Variants in MYRIP observed in about 807,000 individuals in gnomAD.
MYRIP encodes myosin VIIA and Rab interacting protein.
In MYRIP, 49 loss-of-function variants were observed where a neutral mutation model predicts 98.0. That is an observed-to-expected ratio of 0.50 (90% CI 0.40 to 0.63). MYRIP has a LOEUF of 0.63. Among genes scored for constraint, MYRIP ranks in the 30% least tolerant of loss-of-function variants. MYRIP has a pLI of 0.00. For missense variants in MYRIP, 1,004 were observed against 1,058.2 expected, an observed-to-expected ratio of 0.95 and a Z score of 0.71; for synonymous variants, 404 against 409.5, an observed-to-expected ratio of 0.99 and a Z score of 0.16.
chr3:40,171,003 G>T (rs191407405), intron 8 of MYRIP, among the ~76,000 whole-genome samples: 2 of 152,112 alleles, frequency 1.3e-5, no homozygotes, highest in Non-Finnish European at 2.9e-5. Flanking sequence ...CTTTGTCCTC[G>T]CCAACTGCCA....
In MYRIP at chr3:40,035,242, A is replaced by T. The variant is rs538002860; in HGVS notation, c.111-8808A>T. Among the ~76,000 whole-genome samples, 84 of 151,072 alleles carry T rather than the reference A, an allele frequency of 5.6e-4. No homozygotes were observed. In the East Asian group the frequency reaches 0.011, roughly 20 times the overall value. On this transcript the variant is annotated intron_variant, in intron 2 of 16. Transcript: ENST00000302541. ...GTATAATAATAAAATTTTAAAAATTAAAAAAAAGAAAAAGAAATCAAAACC... is the reference window on the plus strand; with the variant it reads ...GTATAATAATAAAATTTTAAAAATTTAAAAAAAGAAAAAGAAATCAAAACC...
intron 5 of MYRIP, among the ~76,000 whole-genome samples, chr3:40,163,823 A>G (rs1950447031): frequency 6.6e-6 from 1 of 152,080 alleles, no homozygotes; most frequent in South Asian, 2.1e-4. Context: ...CCTATTTTAT[A>G]TCTATATATA....
chr3:39,994,000 A>C (rs188831443), intron 2 of MYRIP, among the ~76,000 whole-genome samples: 1 of 152,340 alleles, frequency 6.6e-6, no homozygotes, highest in East Asian at 1.9e-4. Context: ...ACGTCTTTTC[A>C]AACAAAATGG....
intron 2 of MYRIP, among the ~76,000 whole-genome samples, chr3:40,027,336 A>C (rs1947156195): frequency 6.6e-6 from 1 of 152,052 alleles, no homozygotes; most frequent in Admixed American, 6.6e-5. Flanking sequence ...TCACACATGC[A>C]AGGTCCTCTA....
chr3:40,003,466 T>G (rs886733694), intron 2 of MYRIP, among the ~76,000 whole-genome samples: 1 of 152,166 alleles, frequency 6.6e-6, no homozygotes, highest in Admixed American at 6.5e-5. Context: ...CAGAACAACA[T>G]TAGAGCTGAA....
chr3:40,242,518 A>C (rs1953055033), intron 12 of MYRIP: 1 of 150,870 alleles, frequency 6.6e-6, no homozygotes, highest in African/African-American at 2.4e-5. Context: ...AAAAAGGAAG[A>C]TTAGTGAATG....
At chr3:39,975,448 A>G (rs1190049545) in intron 2 of MYRIP, among the ~76,000 whole-genome samples, 2 of 152,054 alleles carry the variant, frequency 1.3e-5, no homozygotes, top group South Asian at 4.2e-4. Flanking sequence ...GGAAGAATCA[A>G]TATCGTGAAA....
chr3:39,923,898 A>C (rs1222348192), intron 2 of MYRIP, among the ~76,000 whole-genome samples: 2 of 152,106 alleles, frequency 1.3e-5, no homozygotes, highest in Non-Finnish European at 2.9e-5. Flanking sequence ...CTTCACTTGA[A>C]CTGGTAAAAT....
chr3:40,256,100 T>G (rs1257051957), intron 16 of MYRIP, among the ~76,000 whole-genome samples: 4 of 152,224 alleles, frequency 2.6e-5, no homozygotes, highest in Non-Finnish European at 5.9e-5. Context: ...GCTACTGCAT[T>G]GAGGGAACTG....
At chr3:40,129,476 A>AAAT in intron 3 of MYRIP, among the ~76,000 whole-genome samples, 1 of 124,650 alleles carries the variant, frequency 8.0e-6, no homozygotes, top group Non-Finnish European at 1.7e-5. Context: ...AAAAAAAAAA[A>AAAT]TCATGCCACC....
At chr3:39,845,430 T>C (rs770997960) in intron 1 of MYRIP, among the ~76,000 whole-genome samples, 22 of 152,318 alleles carry the variant, frequency 1.4e-4, no homozygotes, top group Non-Finnish European at 2.6e-4. Flanking sequence ...TTAAATTATC[T>C]ATATTTCTGT....
chr3:40,175,560 C>T (rs778194653), intron 8 of MYRIP, among the ~76,000 whole-genome samples: 38 of 152,230 alleles, frequency 2.5e-4, no homozygotes, highest in African/African-American at 3.9e-4. Flanking sequence ...TCTTGCCCCC[C>T]GATGGCACTG....
intron 1 of MYRIP, among the ~76,000 whole-genome samples, chr3:39,816,269 A>G (rs1940907561): frequency 6.6e-6 from 1 of 152,002 alleles, no homozygotes; most frequent in Non-Finnish European, 1.5e-5. Flanking sequence ...TTTTTAGTAG[A>G]GACGGGGTTT....
At chr3:39,851,197 A>G (rs1942120438) in intron 1 of MYRIP, among the ~76,000 whole-genome samples, 1 of 152,068 alleles carries the variant, frequency 6.6e-6, no homozygotes, top group Admixed American at 6.5e-5. Flanking sequence ...GTTGCCAATA[A>G]TCTATGATGG....
intron 2 of MYRIP, among the ~76,000 whole-genome samples, chr3:39,959,539 G>A (rs1431910255): frequency 2.6e-5 from 4 of 152,024 alleles, no homozygotes; most frequent in African/African-American, 9.7e-5. Flanking sequence ...AGGGGGAGCA[G>A]GGAGGGATGG....
intron 1 of MYRIP, among the ~76,000 whole-genome samples, chr3:39,876,372 G>T (rs1458731867): frequency 6.6e-6 from 1 of 152,194 alleles, no homozygotes; most frequent in Admixed American, 6.5e-5. Flanking sequence ...GTGTGAATTT[G>T]ATCCTGTCAT....
chr3:40,152,794 C>T (rs1950147512), intron 4 of MYRIP, among the ~76,000 whole-genome samples: 1 of 152,044 alleles, frequency 6.6e-6, no homozygotes, highest in Non-Finnish European at 1.5e-5. Flanking sequence ...CATCTTATAT[C>T]CTCATTATTG....
chr3:39,870,371 GTTCCATTCTT>G (rs1179359812), intron 1 of MYRIP, among the ~76,000 whole-genome samples: 8 of 149,988 alleles, frequency 5.3e-5, no homozygotes, highest in Non-Finnish European at 1.2e-4. Flanking sequence ...CTTCCAATTT[GTTCCATTCTT>G]CCAAACTGAC....
Position 40,259,136 on chromosome 3 carries a change from T to G in MYRIP, c.*970T>G, listed in dbSNP as rs1441323801. On this transcript the variant is annotated 3_prime_UTR_variant, in exon 17 of 17. Transcript: ENST00000302541. The stretch of plus-strand genomic sequence containing the variant: ...AAATGACCTTAAAGATAAAAATGAT[T>G]AGGGAATAGCCTTAGAAAATTTATA... The G allele has an allele frequency of 6.6e-6, 1 of 152,170 alleles. No individual in the cohort carries two copies. Among genetic ancestry groups the G allele is most frequent in the Non-Finnish European group, 1.5e-5 (1 of 68,038 alleles). The allele number at this position is 152,170 out of a possible 1,614,324, so 9.4% of individuals were successfully genotyped here.
Sources: allele counts gnomAD v4.1 joint callset (sites outside exome capture counted in the v4.1 genomes callset), GRCh38; gene constraint gnomAD v4.1.1; transcripts MANE v1.5; gene names NCBI Gene and HGNC (gene_info 2026-07-23, HGNC 2026-07-21).